FOXL2NB: variants seen among roughly 807,000 people sequenced by gnomAD.
The protein encoded by FOXL2NB is FOXL2 neighbor protein.
In FOXL2NB, 10 loss-of-function variants were observed where a neutral mutation model predicts 7.4. The observed-to-expected ratio is 1.34, with a 90% CI of 0.83 to 2.28. FOXL2NB has a LOEUF of 2.28. Ranked by LOEUF, FOXL2NB falls within the 30% of genes most tolerant of loss-of-function variation. The probability of loss-of-function intolerance (pLI) is 0.00; values close to 1 mark genes in which losing one functional copy is unlikely to be tolerated. For synonymous variants in FOXL2NB, 104 were observed against 105.3 expected, an observed-to-expected ratio of 0.99 and a Z score of 0.08; for missense variants, 228 against 233.9, an observed-to-expected ratio of 0.97 and a Z score of 0.17.
In FOXL2NB at chr3:138,949,838, A is replaced by T; in HGVS notation, c.220+199A>T. 1 of 762,748 alleles carries T rather than the reference A, an allele frequency of 1.3e-6. No homozygotes were observed. The highest frequency in any genetic ancestry group is 1.5e-5 in the South Asian group (1 of 68,372). The allele number at this position is 762,748 out of a possible 1,614,324, so 47.2% of individuals were successfully genotyped here. On this transcript the variant is annotated intron_variant, in intron 2 of 2. Coordinates refer to ENST00000383165, the MANE Select transcript of FOXL2NB (RefSeq NM_001040061.3). The surrounding 1 kb of genome is among the most constrained non-coding windows in gnomAD (Gnocchi z 4.5). The stretch of plus-strand genomic sequence containing the variant: ...TGCGGGGCGCCCTGATTTACTTCTC[A>T]ACCTTCGGAGGTAGGCTGGTTGCTG...
chr3:138,949,785 T>C lies in FOXL2NB; in HGVS notation c.220+146T>C. The C allele has an allele frequency of 1.6e-6, 2 of 1,234,802 alleles. No individual in the cohort carries two copies. The highest frequency in any genetic ancestry group is 2.3e-6 in the Non-Finnish European group (2 of 861,682). 76.5% of individuals were successfully genotyped at this position (1,234,802 alleles called of 1,614,324 possible). On this transcript the variant is annotated intron_variant, in intron 2 of 2. Transcript: ENST00000383165. The surrounding 1 kb of genome is among the most constrained non-coding windows in gnomAD (Gnocchi z 4.5). The stretch of plus-strand genomic sequence containing the variant: ...CTCTCCTTGCCGGCCCAGCCAGAGG[T>C]GGGTGAACCGGGCGCTCCAGGAAAC...
Position 138,950,263 on chromosome 3 carries a change from A to G in FOXL2NB, c.221-2A>G. ...CTCTGATACAGACGCTTTTCTCCCC[A>G]GGGCCGGGAATCCTGCAACAGCGGC... On this transcript the variant is annotated splice_acceptor_variant, in intron 2 of 2. Coordinates refer to ENST00000383165, the MANE Select transcript of FOXL2NB (RefSeq NM_001040061.3). LOFTEE classifies it high-confidence loss of function. 1 of 1,603,212 alleles carries G rather than the reference A, an allele frequency of 6.2e-7. No homozygotes were observed. Among genetic ancestry groups the G allele is most frequent in the Non-Finnish European group, 8.5e-7 (1 of 1,176,790 alleles).
In FOXL2NB at chr3:138,947,994, G is replaced by T. The variant is rs1260308553; in HGVS notation, c.100+530G>T. The T allele has an allele frequency of 9.9e-5, 98 of 985,822 alleles. No individual in the cohort carries two copies. The highest frequency in any genetic ancestry group is 1.2e-4 in the Non-Finnish European group (98 of 830,334). 61.1% of individuals were successfully genotyped at this position (985,822 alleles called of 1,614,324 possible). ...GTGAGATACCAGGTGCATGTGTGCT[G>T]CTCAGAAACACAGGTATGCACATGT... On this transcript the variant is annotated intron_variant, in intron 1 of 2. Transcript: ENST00000383165. This position sits in a 1 kb window ranked among gnomAD's most constrained non-coding sequence, Gnocchi z 5.2.
rs1576470994 is a variant in FOXL2NB at position 138,947,532 on chromosome 3, C to A, written c.100+68C>A. 1 of 1,375,118 alleles carries A rather than the reference C, an allele frequency of 7.3e-7. No individual in the cohort carries two copies. The highest frequency in any genetic ancestry group is 9.7e-7 in the Non-Finnish European group (1 of 1,030,994). The allele number at this position is 1,375,118 out of a possible 1,614,324, so 85.2% of individuals were successfully genotyped here. A position where few individuals can be genotyped will look rare whatever the true frequency, so the allele number is the denominator to read the frequency against. On this transcript the variant is annotated intron_variant, in intron 1 of 2. Coordinates refer to ENST00000383165, the MANE Select transcript of FOXL2NB (RefSeq NM_001040061.3). This position sits in a 1 kb window ranked among gnomAD's most constrained non-coding sequence, Gnocchi z 5.2. ...TTGAGGCTGAACTTCTAGCTCGGGG[C>A]TGGGGAGGGGCGAGACGGCGAGGGG...
Position 138,952,680 on chromosome 3 carries a change from A to ATTTTTTTTTTTTTTTTTTTTTTTT in FOXL2NB, c.*2126_*2127insTTTTTTTTTTTTTTTTTTTTTTTT, listed in dbSNP as rs573503121. 7.8e-6 allele frequency: 1 copy of ATTTTTTTTTTTTTTTTTTTTTTTT among 127,692 alleles called. No individual in the cohort carries two copies. Among genetic ancestry groups the ATTTTTTTTTTTTTTTTTTTTTTTT allele is most frequent in the African/African-American group, 3.1e-5 (1 of 32,088 alleles). The allele number at this position is 127,692 out of a possible 1,614,324, so 7.9% of individuals were successfully genotyped here. On this transcript the variant is annotated 3_prime_UTR_variant, in exon 3 of 3. Coordinates refer to ENST00000383165, the MANE Select transcript of FOXL2NB (RefSeq NM_001040061.3). ...GGGTGTGAGCCAACACACTCAGCTAATTTTTTTTTTTTTTTTTTGGTATTT... is the reference window on the plus strand; with the variant it reads ...GGGTGTGAGCCAACACACTCAGCTAATTTTTTTTTTTTTTTTTTTTTTTTTTTTTTTTTTTTTTTTTTGGTATTT...
chr3:138,951,990 A>G lies in FOXL2NB; in HGVS notation c.*1418A>G, dbSNP rs1936140177. The G allele has an allele frequency of 6.6e-6, 1 of 152,258 alleles. No individual in the cohort carries two copies. The highest frequency in any genetic ancestry group is 2.4e-5 in the African/African-American group (1 of 41,466). The allele number at this position is 152,258 out of a possible 1,614,324, so 9.4% of individuals were successfully genotyped here. A position where few individuals can be genotyped will look rare whatever the true frequency, so the allele number is the denominator to read the frequency against. On this transcript the variant is annotated 3_prime_UTR_variant, in exon 3 of 3. Transcript: ENST00000383165. ...CAAGAAAGGGACTGTAGCTGAGGAA[A>G]AGCGGTTTGATCATTGACAGCCAGC...
At position 138,947,277 on chromosome 3, in the gene FOXL2NB, G is replaced by T; in HGVS notation, c.-88G>T. ...GCACAGCCTGGACCGGCCTGCCCCC[G>T]CCCAGCGAGCCTCAGGGGCCCAGCC... On this transcript the variant is annotated 5_prime_UTR_variant, in exon 1 of 3. Transcript: ENST00000383165. The surrounding 1 kb of genome is among the most constrained non-coding windows in gnomAD (Gnocchi z 5.2). 9.4e-7 allele frequency: 1 copy of T among 1,064,322 alleles called. No homozygotes were observed. The highest frequency in any genetic ancestry group is 1.4e-6 in the Non-Finnish European group (1 of 729,844). The allele number at this position is 1,064,322 out of a possible 1,614,324, so 65.9% of individuals were successfully genotyped here. A position where few individuals can be genotyped will look rare whatever the true frequency, so the allele number is the denominator to read the frequency against.
rs556691969 is a variant in FOXL2NB at position 138,947,985 on chromosome 3, A to G, written c.100+521A>G. On this transcript the variant is annotated intron_variant, in intron 1 of 2. Coordinates refer to ENST00000383165, the MANE Select transcript of FOXL2NB (RefSeq NM_001040061.3). The surrounding 1 kb of genome is among the most constrained non-coding windows in gnomAD (Gnocchi z 5.2). ...TTGAGATGGGTGAGATACCAGGTGCATGTGTGCTGCTCAGAAACACAGGTA... is the reference window on the plus strand; with the variant it reads ...TTGAGATGGGTGAGATACCAGGTGCGTGTGTGCTGCTCAGAAACACAGGTA... 2.0e-6 allele frequency: 2 copies of G among 986,222 alleles called. No individual in the cohort carries two copies. The highest frequency in any genetic ancestry group is 9.4e-5 in the South Asian group (2 of 21,332). The allele number at this position is 986,222 out of a possible 1,614,324, so 61.1% of individuals were successfully genotyped here.
rs5852928 is a variant in FOXL2NB at position 138,949,391 on chromosome 3, C to CGTGTGTGTGT, written c.101-112_101-103dup. The CGTGTGTGTGT allele has an allele frequency of 0.025, 20,831 of 817,128 alleles. 639 individuals carry two copies. The highest frequency in any genetic ancestry group is 0.15 in the African/African-American group (8,169 of 54,394). 50.6% of individuals were successfully genotyped at this position (817,128 alleles called of 1,614,324 possible). A position where few individuals can be genotyped will look rare whatever the true frequency, so the allele number is the denominator to read the frequency against. On this transcript the variant is annotated intron_variant, in intron 1 of 2. Transcript: ENST00000383165. This position sits in a 1 kb window ranked among gnomAD's most constrained non-coding sequence, Gnocchi z 4.5. ...AAGAGCCTGTGTGTGTATGCATGTGCGTGTGTGTGTGTGTGTGTGTGTGTG... is the reference window on the plus strand; with the variant it reads ...AAGAGCCTGTGTGTGTATGCATGTGCGTGTGTGTGTGTGTGTGTGTGTGTGTGTGTGTGTG...
In FOXL2NB at chr3:138,953,480, G is replaced by A. The variant is rs1936173448; in HGVS notation, c.*2908G>A. 6.6e-6 allele frequency: 1 copy of A among 152,256 alleles called. No homozygotes were observed. The highest frequency in any genetic ancestry group is 1.5e-5 in the Non-Finnish European group (1 of 68,050). The allele number at this position is 152,256 out of a possible 1,614,324, so 9.4% of individuals were successfully genotyped here. A position where few individuals can be genotyped will look rare whatever the true frequency, so the allele number is the denominator to read the frequency against. ...CATTATTTTGTTCCTTTTTATGGCTGAGTAGTATTCCATGGTGTATATATA... is the reference window on the plus strand; with the variant it reads ...CATTATTTTGTTCCTTTTTATGGCTAAGTAGTATTCCATGGTGTATATATA... On this transcript the variant is annotated 3_prime_UTR_variant, in exon 3 of 3. Transcript: ENST00000383165.
In FOXL2NB at chr3:138,947,740, C is replaced by T; in HGVS notation, c.100+276C>T. The T allele has an allele frequency of 8.5e-7, 1 of 1,181,942 alleles. No homozygotes were observed. The highest frequency in any genetic ancestry group is 1.0e-6 in the Non-Finnish European group (1 of 954,404). The allele number at this position is 1,181,942 out of a possible 1,614,324, so 73.2% of individuals were successfully genotyped here. A position where few individuals can be genotyped will look rare whatever the true frequency, so the allele number is the denominator to read the frequency against. The stretch of plus-strand genomic sequence containing the variant: ...GTCGTCAGGGGCGCCGCCTGAATCA[C>T]CTCTGCCTCTCCCTGCGTTACCAGT... On this transcript the variant is annotated intron_variant, in intron 1 of 2. Transcript: ENST00000383165. This position sits in a 1 kb window ranked among gnomAD's most constrained non-coding sequence, Gnocchi z 5.2.
rs1387174607 is a variant in FOXL2NB at position 138,950,410 on chromosome 3, C to T, written c.366C>T (p.Cys122=). The change falls in exon 3 of 3, where the codon TGC becomes TGT. Residue 122 remains cysteine (C), a synonymous_variant. Transcript: ENST00000383165. ...PLSSSRAAAG[C]LNQVPLSPFL... is the part of the protein sequence containing the mutation. ...GCTCGTCCCGCGCCGCCGCCGGCTG[C>T]CTGAACCAGGTTCCGCTGTCCCCTT... 2 of 1,613,540 alleles carry T rather than the reference C, an allele frequency of 1.2e-6. No individual in the cohort carries two copies. Among genetic ancestry groups the T allele is most frequent in the South Asian group, 1.1e-5 (1 of 91,092 alleles).
chr3:138,948,351 T>G (rs1936034103), intron 1 of FOXL2NB, among the ~76,000 whole-genome samples: 1 of 152,260 alleles, frequency 6.6e-6, no homozygotes, highest in African/African-American at 2.4e-5. Context: ...AGCAGAATTC[T>G]GATGGGAATC....
rs753114417 is a variant in FOXL2NB, at chr3:138,950,345, G to C, written c.301G>C (p.Gly101Arg). ...CCCAGCTCTACTAGGGAAGCGTCGC[G>C]GCTGCTCTGAGGCAGGCAGCGCTTC... ...GGPALLGKRR[G>R]CSEAGSASLE... is the part of the protein sequence containing the mutation. Residue 101 changes from glycine to arginine, a missense_variant, in exon 3 of 3, where the codon GGC becomes CGC. Gly to Arg is a moderately radical substitution (Grantham distance 125). Coordinates refer to ENST00000383165, the MANE Select transcript of FOXL2NB (RefSeq NM_001040061.3). 1 of 1,610,862 alleles carries C rather than the reference G, an allele frequency of 6.2e-7. No homozygotes were observed. Among genetic ancestry groups the C allele is most frequent in the Admixed American group, 1.7e-5 (1 of 59,182 alleles).
chr3:138,950,150 A>G, intron 2 of FOXL2NB, 115 bp from the exon 3 acceptor site: 1 of 1,143,888 alleles, frequency 8.7e-7, no homozygotes, highest in Non-Finnish European at 1.3e-6. Context: ...TGAACCGCCG[A>G]TTGAGCGCAG....
chr3:138,950,700 A>C lies in FOXL2NB; in HGVS notation c.*128A>C. 1 of 944,786 alleles carries C rather than the reference A, an allele frequency of 1.1e-6. No individual in the cohort carries two copies. Among genetic ancestry groups the C allele is most frequent in the Non-Finnish European group, 1.6e-6 (1 of 616,696 alleles). The allele number at this position is 944,786 out of a possible 1,614,324, so 58.5% of individuals were successfully genotyped here. A position where few individuals can be genotyped will look rare whatever the true frequency, so the allele number is the denominator to read the frequency against. On this transcript the variant is annotated 3_prime_UTR_variant, in exon 3 of 3. Transcript: ENST00000383165. Reference sequence around the variant, plus strand: ...CCACTCAGGTCACGTTACTCCATCCACTTCTCTCTCCTTCTCCCTCTGTCA... The same window carrying C: ...CCACTCAGGTCACGTTACTCCATCCCCTTCTCTCTCCTTCTCCCTCTGTCA...
rs1305318245 is a variant in FOXL2NB, at chr3:138,953,813, C to A, written c.*3241C>A. Among the ~76,000 whole-genome samples the A allele has an allele frequency of 6.6e-6, 1 of 152,094 alleles. No homozygotes were observed. Among genetic ancestry groups the A allele is most frequent in the Non-Finnish European group, 1.5e-5 (1 of 68,010 alleles). ...GCATATAGCATGTATGCCTTTATGT[C>A]TAGTTTTTTCTGTGCAACATATTTT... On this transcript the variant is annotated 3_prime_UTR_variant, in exon 3 of 3. Coordinates refer to ENST00000383165, the MANE Select transcript of FOXL2NB (RefSeq NM_001040061.3).
chr3:138,949,638 A>G lies in FOXL2NB; in HGVS notation c.219A>G (p.Thr73=). 1 of 1,614,140 alleles carries G rather than the reference A, an allele frequency of 6.2e-7. No individual in the cohort carries two copies. Among genetic ancestry groups the G allele is most frequent in the Non-Finnish European group, 8.5e-7 (1 of 1,180,022 alleles). ...TCCGGCATTCGAAGGCTCAGAAAAC[A>G]GGCAAGAAAATGCGGGCGGGAAAGC... ...MAVRHSKAQK[T]GPGILQQRQK... The change falls in exon 2 of 3, where the codon ACA becomes ACG. Residue 73 remains threonine (T), a splice_region_variant and synonymous_variant. Coordinates refer to ENST00000383165, the MANE Select transcript of FOXL2NB (RefSeq NM_001040061.3). This position sits in a 1 kb window ranked among gnomAD's most constrained non-coding sequence, Gnocchi z 4.5.
At position 138,947,290 on chromosome 3, in the gene FOXL2NB, C is replaced by T; in HGVS notation, c.-75C>T. ...CGGCCTGCCCCCGCCCAGCGAGCCT[C>T]AGGGGCCCAGCCGACAGCCAGGCTC... On this transcript the variant is annotated 5_prime_UTR_variant, in exon 1 of 3. Transcript: ENST00000383165. The surrounding 1 kb of genome is among the most constrained non-coding windows in gnomAD (Gnocchi z 5.2). The T allele has an allele frequency of 8.1e-7, 1 of 1,239,320 alleles. No homozygotes were observed. Among genetic ancestry groups the T allele is most frequent in the Non-Finnish European group, 1.1e-6 (1 of 883,246 alleles). 76.8% of individuals were successfully genotyped at this position (1,239,320 alleles called of 1,614,324 possible).
Sources: gnomAD v4.1 joint callset for allele counts (sites outside exome capture counted in the v4.1 genomes callset) on GRCh38, gnomAD v4.1.1 for gene constraint, Gnocchi (gnomAD v3.1) non-coding constraint, MANE v1.5 for transcripts, NCBI Gene and HGNC (gene_info 2026-07-23, HGNC 2026-07-21) for gene names.